PKD1L1: variants seen among roughly 807,000 people sequenced by gnomAD.
PKD1L1 encodes the protein polycystin 1 like 1, transient receptor potential channel interacting, also known as polycystin-1-like protein 1.
In PKD1L1, 236 loss-of-function variants were observed where a neutral mutation model predicts 323.4. That is an observed-to-expected ratio of 0.73 (90% CI 0.66 to 0.81). The LOEUF (loss-of-function observed/expected upper bound fraction) is 0.81. PKD1L1 is among the 40% of genes least tolerant of loss of function. The pLI is 0.00. For synonymous variants in PKD1L1, 1,344 were observed against 1,335.0 expected (o/e 1.01, Z -0.15); for missense variants, 3,320 against 3,508.0 (o/e 0.95, Z 1.35).
At chr7:47,922,704 T>A (rs1399517779) in intron 7 of PKD1L1, among the ~76,000 whole-genome samples, 1 of 149,312 alleles carries the variant, frequency 6.7e-6, no homozygotes, top group East Asian at 2.0e-4. Flanking sequence ...GTGAGGAGCG[T>A]CTCCGCCCGG....
intron 50 of PKD1L1, 48 bp from the exon 51 acceptor site, chr7:47,809,625 A>G (rs1226684939): frequency 7.0e-7 from 1 of 1,422,708 alleles, no homozygotes; most frequent in Non-Finnish European, 9.5e-7. Context: ...ATGCTGATAA[A>G]TTGTTTTTTG....
chr7:47,880,269 TATATA>T (rs1562970459), intron 21 of PKD1L1, among the ~76,000 whole-genome samples: 12 of 76,740 alleles, frequency 1.6e-4, no homozygotes, highest in African/African-American at 7.2e-4. Context: ...TATATACATA[TATATA>T]TATATATATA....
At chr7:47,936,323 T>C (rs565673007) in intron 4 of PKD1L1, among the ~76,000 whole-genome samples, 6 of 152,242 alleles carry the variant, frequency 3.9e-5, no homozygotes, top group Non-Finnish European at 8.8e-5. Flanking sequence ...CAACCCTCCG[T>C]TCCTCCTCCC....
rs113335195 is a variant in PKD1L1, at chr7:47,832,155, G to C, written c.6338-803C>G. 2.0e-5 allele frequency among the ~76,000 whole-genome samples: 3 copies of C among 152,320 alleles called. 1 individual carries two copies. The highest frequency in any genetic ancestry group is 7.2e-5 in the African/African-American group (3 of 41,574). ...GTATTAGGCAAACCGAGGGACACTG[G>C]CTGAACATAAATCAAAGAATGTGAG... is the stretch of plus-strand genomic sequence containing the variant. On this transcript the variant is annotated intron_variant, in intron 41 of 56. Transcript: ENST00000289672.
chr7:47,942,477 T>C (rs949372201), intron 2 of PKD1L1, among the ~76,000 whole-genome samples: 3 of 151,834 alleles, frequency 2.0e-5, no homozygotes, highest in Non-Finnish European at 4.4e-5. Flanking sequence ...TCCGTCTCTT[T>C]AGAAATTAAA....
chr7:47,797,434 T>G (rs1010691642), intron 54 of PKD1L1, among the ~76,000 whole-genome samples: 1 of 152,196 alleles, frequency 6.6e-6, no homozygotes, highest in Non-Finnish European at 1.5e-5. Flanking sequence ...CCTCACAAAA[T>G]TTCAGAACTC....
intron 31 of PKD1L1, among the ~76,000 whole-genome samples, chr7:47,852,476 ACAGT>A (rs2128740949): frequency 6.6e-6 from 1 of 152,322 alleles, no homozygotes; most frequent in East Asian, 1.9e-4. Flanking sequence ...GCACTCACTG[ACAGT>A]CAGAAGCCAG....
chr7:47,851,855 G>A (rs1785789489), intron 31 of PKD1L1, among the ~76,000 whole-genome samples: 1 of 152,104 alleles, frequency 6.6e-6, no homozygotes, highest in Non-Finnish European at 1.5e-5. Context: ...AAAATTGGGA[G>A]GGTGTTGTAG....
intron 19 of PKD1L1, 115 bp from the exon 20 acceptor site, chr7:47,882,200 C>G (rs12702396): frequency 4.7e-6 from 5 of 1,062,890 alleles, no homozygotes; most frequent in Non-Finnish European, 6.9e-6. Flanking sequence ...TGGATACCGC[C>G]TATCTAATAT....
chr7:47,930,278 G>A (rs1450302278), intron 6 of PKD1L1, among the ~76,000 whole-genome samples: 1 of 151,628 alleles, frequency 6.6e-6, no homozygotes, highest in Non-Finnish European at 1.5e-5. Flanking sequence ...AACACAGGCA[G>A]ACAGATCACG....
At chr7:47,827,286 G>C (rs1785255876) in intron 45 of PKD1L1, 64 bp downstream of exon 45, 1 of 1,364,988 alleles carries the variant, frequency 7.3e-7, no homozygotes, top group African/African-American at 1.4e-5. Flanking sequence ...AGCGGCAGTG[G>C]GGTACTCCCT....
rs369098729 is a variant in PKD1L1, at chr7:47,839,402, G to A, written c.5769+44C>T. On this transcript the variant is annotated intron_variant, in intron 36 of 56. Coordinates refer to ENST00000289672, the MANE Select transcript of PKD1L1 (RefSeq NM_138295.5). The surrounding 1 kb of genome is among the most constrained non-coding windows in gnomAD (Gnocchi z 4.3). ...GCAGAGACAGGTGCCATGCTCTGCC[G>A]GTCAGCCAGGTGCGCCACGAGAGGC... is the stretch of plus-strand genomic sequence containing the variant. The A allele has an allele frequency of 3.0e-5, 45 of 1,519,258 alleles. No homozygotes were observed. The highest frequency in any genetic ancestry group is 1.7e-4 in the Middle Eastern group (1 of 5,836). The allele number at this position is 1,519,258 out of a possible 1,614,324, so 94.1% of individuals were successfully genotyped here. A position where few individuals can be genotyped will look rare whatever the true frequency, so the allele number is the denominator to read the frequency against.
the PKD1L1 span, chr7:47,957,239 G>T: frequency 6.3e-6 from 1 of 159,828 alleles, no homozygotes. Context: ...TTCAGCGAAG[G>T]AAAAGAGTTC....
intron 21 of PKD1L1, among the ~76,000 whole-genome samples, chr7:47,879,861 A>G (rs1390997683): frequency 2.4e-5 from 3 of 126,732 alleles, no homozygotes; most frequent in Non-Finnish European, 4.9e-5. Flanking sequence ...TGAACCTGGG[A>G]GGCAGAGCTT....
Position 47,800,863 on chromosome 7 carries a change from A to G in PKD1L1, c.7979T>C (p.Met2660Thr). 8.7e-6 allele frequency: 14 copies of G among 1,614,012 alleles called. No individual in the cohort carries two copies. The highest frequency in any genetic ancestry group is 1.2e-5 in the Non-Finnish European group (14 of 1,179,966). Residue 2660 changes from methionine (M) to threonine (T), a missense_variant, in exon 54 of 57, where the codon ATG becomes ACG. Physicochemically the swap from Met to Thr is moderately conservative, Grantham distance 81. Transcript: ENST00000289672. Reference protein sequence around the residue: ...IFVAGLVGALMLAALSHLHRF... With the variant: ...IFVAGLVGALTLAALSHLHRF... ...GTGCAGGTGGGAGAGGGCGGCCAGC[A>G]TCAGTGCCCCCACCAGCTGCAGAAA...
At chr7:47,880,117 A>G (rs1451210607) in intron 21 of PKD1L1, among the ~76,000 whole-genome samples, 2 of 149,894 alleles carry the variant, frequency 1.3e-5, no homozygotes, top group African/African-American at 4.9e-5. Flanking sequence ...GTGAATTTCA[A>G]TGAACATCAG....
chr7:47,947,949 C>A (rs182018076), intron 1 of PKD1L1, among the ~76,000 whole-genome samples: 1 of 152,074 alleles, frequency 6.6e-6, no homozygotes, highest in Non-Finnish European at 1.5e-5. Flanking sequence ...GCCTGGGCAA[C>A]AGAGAGAGAC....
At chr7:47,859,873 C>A (rs751891501) in intron 26 of PKD1L1, among the ~76,000 whole-genome samples, 3 of 152,088 alleles carry the variant, frequency 2.0e-5, no homozygotes, top group Non-Finnish European at 2.9e-5. Flanking sequence ...CATGATCCAC[C>A]CGCCTCGGCT....
At chr7:47,959,950 T>C in the PKD1L1 span, among the ~76,000 whole-genome samples, 4 of 152,022 alleles carry the variant, frequency 2.6e-5, no homozygotes, top group East Asian at 2.0e-4. Context: ...GGGGAAAGGA[T>C]TGAGAAATCG....
Sources: allele counts gnomAD v4.1 joint callset (sites outside exome capture counted in the v4.1 genomes callset), GRCh38; gene constraint gnomAD v4.1.1; non-coding constraint Gnocchi (gnomAD v3.1); transcripts MANE v1.5; gene names NCBI Gene and HGNC (gene_info 2026-07-23, HGNC 2026-07-21).